The following GAB4 variants were observed in gnomAD, a reference collection of about 807,000 sequenced individuals.
GAB4 encodes the protein GRB2 associated binding protein family member 4.
Under a neutral mutation model 51.3 loss-of-function variants are expected in GAB4, and 26 were observed. That is an observed-to-expected ratio of 0.51 (90% confidence interval 0.37 to 0.70). The LOEUF (loss-of-function observed/expected upper bound fraction) is 0.70, where lower values mean the gene tolerates loss of function less well. Among genes scored for constraint, GAB4 ranks in the 30% least tolerant of loss-of-function variants. The probability of loss-of-function intolerance (pLI) is 0.00; values close to 1 mark genes in which losing one functional copy is unlikely to be tolerated. For missense variants in GAB4, 759 were observed against 734.6 expected (o/e 1.03, Z -0.38); for synonymous variants, 329 against 291.2 (o/e 1.13, Z -1.32).
At chr22:16,985,583 A>G (rs2060860485) in intron 3 of GAB4, among the ~76,000 whole-genome samples, 2 of 152,242 alleles carry the variant, frequency 1.3e-5, no homozygotes. Flanking sequence ...TTCAGGACTT[A>G]AGAAAGCTTC....
chr22:16,972,296 A>G (rs2060738592), intron 3 of GAB4, among the ~76,000 whole-genome samples: 1 of 152,222 alleles, frequency 6.6e-6, no homozygotes, highest in Non-Finnish European at 1.5e-5. Context: ...GTGGTGGTCA[A>G]GAGTGCCAGG....
intron 4 of GAB4, among the ~76,000 whole-genome samples, chr22:16,968,761 G>A (rs190605383): frequency 3.3e-5 from 5 of 152,298 alleles, no homozygotes; most frequent in African/African-American, 1.2e-4. Context: ...TGTGAGCTCT[G>A]AACAGCAAAC....
rs147304970 is a variant in GAB4, at chr22:16,968,767, C to T, written c.938-384G>A. On this transcript the variant is annotated intron_variant, in intron 4 of 9. Coordinates refer to ENST00000400588, the MANE Select transcript of GAB4 (RefSeq NM_001037814.1). The stretch of plus-strand genomic sequence containing the variant: ...ACACATAAATGTGAGCTCTGAACAG[C>T]AAACATGTTTTATATATACCTCTAT... 3.4e-3 allele frequency among the ~76,000 whole-genome samples: 518 copies of T among 152,316 alleles called. 3 individuals are homozygous for T. The highest frequency in any genetic ancestry group is 0.012 in the African/African-American group (499 of 41,566).
chr22:16,989,398 G>T (rs1007348234), intron 2 of GAB4, among the ~76,000 whole-genome samples: 36 of 152,256 alleles, frequency 2.4e-4, no homozygotes, highest in African/African-American at 8.7e-4. Context: ...GCCTGAGGCA[G>T]GAACCCCAGC....
intron 1 of GAB4, among the ~76,000 whole-genome samples, chr22:16,999,779 G>A (rs1337025024): frequency 1.3e-5 from 2 of 152,176 alleles, no homozygotes; most frequent in Admixed American, 1.3e-4. Flanking sequence ...TGGGCATTTA[G>A]TGCTATAAAT....
intron 3 of GAB4, among the ~76,000 whole-genome samples, chr22:16,975,491 A>G (rs2060770073): frequency 6.6e-6 from 1 of 152,202 alleles, no homozygotes; most frequent in South Asian, 2.1e-4. Flanking sequence ...CATCTCTGAA[A>G]AAAAGGCTAC....
intron 8 of GAB4, 85 bp from the exon 9 acceptor site, chr22:16,963,914 C>T (rs1569087219): frequency 3.9e-6 from 4 of 1,017,310 alleles, no homozygotes; most frequent in Middle Eastern, 2.7e-4. Context: ...GGCGTAGCTA[C>T]GAGCCCACTG....
intron 2 of GAB4, 30 bp downstream of exon 2, chr22:16,991,843 C>A: frequency 1.3e-6 from 2 of 1,564,822 alleles, no homozygotes. Flanking sequence ...CTCAGCCCCT[C>A]CTGAGACAGG....
chr22:17,001,097 G>A (rs1271168186), intron 1 of GAB4, among the ~76,000 whole-genome samples: 2 of 152,120 alleles, frequency 1.3e-5, no homozygotes, highest in Non-Finnish European at 2.9e-5. Context: ...CAACTTTGGT[G>A]AATCTGACAA....
intron 3 of GAB4, among the ~76,000 whole-genome samples, chr22:16,973,387 C>T (rs1438057134): frequency 5.3e-5 from 8 of 152,140 alleles, no homozygotes; most frequent in Non-Finnish European, 1.0e-4. Context: ...TGGGGTGCTG[C>T]CATCCTTTTT....
At chr22:16,992,714 A>G (rs567506966) in intron 1 of GAB4, among the ~76,000 whole-genome samples, 3 of 152,284 alleles carry the variant, frequency 2.0e-5, no homozygotes, top group African/African-American at 7.2e-5. Context: ...GAAGCACAGG[A>G]CTTCAGGATG....
At chr22:16,973,238 G>A (rs937537550) in intron 3 of GAB4, among the ~76,000 whole-genome samples, 2 of 152,208 alleles carry the variant, frequency 1.3e-5, no homozygotes, top group Non-Finnish European at 2.9e-5. Context: ...ACCAGACTAT[G>A]ATTTCCCTGA....
chr22:16,969,244 C>T (rs2060709193), intron 4 of GAB4, among the ~76,000 whole-genome samples: 1 of 152,246 alleles, frequency 6.6e-6, no homozygotes. Context: ...TGTTAGTCCA[C>T]ACTGGTTTGG....
At position 16,965,266 on chromosome 22, in the gene GAB4, T is replaced by A. The variant is rs1487635533; in HGVS notation, c.1291A>T (p.Asn431Tyr). The A allele has an allele frequency of 1.5e-5, 24 of 1,613,486 alleles. No individual in the cohort carries two copies. The East Asian group carries it at 5.3e-4, about 36-fold the overall frequency. The stretch of plus-strand genomic sequence containing the variant: ...TTTCTCAGGTTGGGCGGTGTTGGGT[T>A]GGCTGGAGCAGGAAAAGAACCTTGT... Reference protein sequence around the residue: ...NRSLKPNQKANPTPPNLRNNR... With the variant: ...NRSLKPNQKAYPTPPNLRNNR... The change falls in exon 7 of 10, where the codon AAC (asparagine) becomes TAC (tyrosine). Residue 431 changes from asparagine to tyrosine, a missense_variant and splice_region_variant. This residue lies in a region of GAB4 where 588 missense variants were observed against 510.2 expected (regional missense o/e 1.15). Transcript: ENST00000400588.
At chr22:16,985,663 G>A (rs1250793517) in intron 3 of GAB4, among the ~76,000 whole-genome samples, 2 of 152,238 alleles carry the variant, frequency 1.3e-5, no homozygotes, top group Non-Finnish European at 2.9e-5. Flanking sequence ...ACTACACTGA[G>A]ATATTGCTAA....
chr22:16,963,489 A>G (rs369559661), intron 9 of GAB4, among the ~76,000 whole-genome samples: 9 of 152,172 alleles, frequency 5.9e-5, no homozygotes, highest in East Asian at 5.8e-4. Flanking sequence ...TCAGGTCTCC[A>G]CACAGTCATC....
At position 16,962,631 on chromosome 22, in the gene GAB4, C is replaced by G. The variant is rs1056412614; in HGVS notation, c.*102G>C. On this transcript the variant is annotated 3_prime_UTR_variant, in exon 10 of 10. Transcript: ENST00000400588. ...GATGTATATTGATCAGGCCTCTGCT[C>G]TCTATGTAAGGGATGCGGTCCCTGA... The G allele has an allele frequency of 8.8e-7, 1 of 1,133,544 alleles. No individual in the cohort carries two copies. The highest frequency in any genetic ancestry group is 1.5e-5 in the African/African-American group (1 of 64,956). 70.2% of individuals were successfully genotyped at this position (1,133,544 alleles called of 1,614,324 possible). A position where few individuals can be genotyped will look rare whatever the true frequency, so the allele number is the denominator to read the frequency against.
At chr22:16,996,971 GC>G (rs1488094365) in intron 1 of GAB4, among the ~76,000 whole-genome samples, 3 of 151,884 alleles carry the variant, frequency 2.0e-5, no homozygotes, top group Non-Finnish European at 4.4e-5. Context: ...TTCATCCATG[GC>G]CCTACAAAGG....
At position 16,999,160 on chromosome 22, in the gene GAB4, G is replaced by A. The variant is rs139034660; in HGVS notation, c.175-6984C>T. ...CAGGATGATGTTGGCTTCATAAAACGAATTAGGGAGGATTCCCTCTTTTTC... is the reference window on the plus strand; with the variant it reads ...CAGGATGATGTTGGCTTCATAAAACAAATTAGGGAGGATTCCCTCTTTTTC... On this transcript the variant is annotated intron_variant, in intron 1 of 9. Coordinates refer to ENST00000400588, the MANE Select transcript of GAB4 (RefSeq NM_001037814.1). 7.0e-3 allele frequency among the ~76,000 whole-genome samples: 1,065 copies of A among 152,312 alleles called. 15 individuals carry two copies. Among genetic ancestry groups the A allele is most frequent in the African/African-American group, 0.025 (1,025 of 41,562 alleles).
Sources: gnomAD v4.1 joint callset for allele counts (sites outside exome capture counted in the v4.1 genomes callset) on GRCh38, gnomAD v4.1.1 for gene constraint, gnomAD v4.1.1 regional missense constraint, MANE v1.5 for transcripts, NCBI Gene and HGNC (gene_info 2026-07-23, HGNC 2026-07-21) for gene names.